Variants in SLC14A2 observed in about 807,000 individuals in gnomAD.
SLC14A2 encodes the protein solute carrier family 14 member 2.
A neutral mutation model predicts 104.6 loss-of-function variants in SLC14A2; 91 were observed. That is an observed-to-expected ratio of 0.87 (90% CI 0.73 to 1.04). SLC14A2 has a LOEUF of 1.04. Among genes scored for constraint, SLC14A2 ranks in the 50% least tolerant of loss-of-function variants. The pLI is 0.00. For missense variants in SLC14A2, 1,189 were observed against 1,156.0 expected (o/e 1.03, Z -0.41); for synonymous variants, 476 against 466.4 (o/e 1.02, Z -0.27).
chr18:45,308,478 C>G (rs575261274), intron 1 of SLC14A2, among the ~76,000 whole-genome samples: 1 of 152,162 alleles, frequency 6.6e-6, no homozygotes, highest in Non-Finnish European at 1.5e-5. Context: ...TTAAAGACCT[C>G]GCCTGAACTG....
chr18:45,500,529 A>T (rs1220573982), intron 2 of SLC14A2, among the ~76,000 whole-genome samples: 2 of 145,436 alleles, frequency 1.4e-5, no homozygotes, highest in African/African-American at 5.1e-5. Flanking sequence ...GTGAGCCGAG[A>T]TCGCGCCACT....
intron 16 of SLC14A2, among the ~76,000 whole-genome samples, chr18:45,671,553 G>A (rs1308080800): frequency 6.6e-6 from 1 of 151,924 alleles, no homozygotes; most frequent in African/African-American, 2.4e-5. Context: ...GGACAAAACT[G>A]CCCATGCTGC....
chr18:45,378,558 C>T (rs1015416332), intron 1 of SLC14A2, among the ~76,000 whole-genome samples: 1 of 152,140 alleles, frequency 6.6e-6, no homozygotes, highest in East Asian at 1.9e-4. Context: ...CTAATTTATT[C>T]TTTCATATGT....
intron 2 of SLC14A2, among the ~76,000 whole-genome samples, chr18:45,537,633 A>G (rs1250464691): frequency 1.3e-5 from 2 of 152,202 alleles, no homozygotes; most frequent in African/African-American, 4.8e-5. Context: ...TGAGGAAGCC[A>G]TTGGTGAATT....
chr18:45,211,342 A>G (rs1268565586), upstream of SLC14A2, among the ~76,000 whole-genome samples: 3 of 152,196 alleles, frequency 2.0e-5, no homozygotes, highest in East Asian at 1.9e-4. Context: ...TCTTTAGCCT[A>G]TAGGAAAACT....
At chr18:45,595,429 CATGGAAGATG>C (rs1253730771) in intron 2 of SLC14A2, among the ~76,000 whole-genome samples, 2 of 151,442 alleles carry the variant, frequency 1.3e-5, no homozygotes, top group Non-Finnish European at 2.9e-5. Context: ...TAAGCTGAAG[CATGGAAGATG>C]CTAAAATATA....
chr18:45,446,650 T>G (rs763726854), intron 1 of SLC14A2, among the ~76,000 whole-genome samples: 11 of 152,206 alleles, frequency 7.2e-5, no homozygotes, highest in Non-Finnish European at 1.5e-4. Flanking sequence ...TGAAATAGCT[T>G]CAGCTCCCAA....
At chr18:45,491,273 G>A (rs771157355) in intron 2 of SLC14A2, among the ~76,000 whole-genome samples, 15 of 152,186 alleles carry the variant, frequency 9.9e-5, no homozygotes, top group Non-Finnish European at 1.9e-4. Flanking sequence ...TGAGCTAGAT[G>A]CAGGCATCAA....
At chr18:45,298,726 A>G (rs2084939905) in intron 1 of SLC14A2, among the ~76,000 whole-genome samples, 1 of 152,154 alleles carries the variant, frequency 6.6e-6, no homozygotes, top group African/African-American at 2.4e-5. Context: ...ACCCAATTTA[A>G]ATCTCTCCTA....
At chr18:45,516,211 C>T (rs559590105) in intron 2 of SLC14A2, among the ~76,000 whole-genome samples, 1 of 152,294 alleles carries the variant, frequency 6.6e-6, no homozygotes, top group South Asian at 2.1e-4. Context: ...TCTCTCCCCC[C>T]TCACTACTGT....
At chr18:45,203,710 C>T in the SLC14A2 span, among the ~76,000 whole-genome samples, 2 of 152,210 alleles carry the variant, frequency 1.3e-5, no homozygotes, top group East Asian at 1.9e-4. Flanking sequence ...AGTTTACTTT[C>T]AACAGCACCC....
intron 1 of SLC14A2, among the ~76,000 whole-genome samples, chr18:45,368,967 C>A (rs1408717370): frequency 5.3e-5 from 8 of 152,198 alleles, no homozygotes; most frequent in Non-Finnish European, 8.8e-5. Flanking sequence ...CAAGAAGAAG[C>A]TCAGCAACAA....
In SLC14A2 at chr18:45,370,352, G is replaced by A. The variant is rs1598729512; in HGVS notation, c.-124-112881G>A. On this transcript the variant is annotated intron_variant, in intron 1 of 20. Transcript: ENST00000586448. ...CTCCGGAATGAGGGCTGGTGAAGAA[G>A]TAAATCCAGGCAACTCTATCATCTG... 3.3e-5 allele frequency among the ~76,000 whole-genome samples: 5 copies of A among 152,290 alleles called. No individual in the cohort carries two copies. In the South Asian group the frequency reaches 1.0e-3, roughly 32 times the overall value.
intron 2 of SLC14A2, among the ~76,000 whole-genome samples, chr18:45,607,123 G>T (rs559898978): frequency 6.6e-6 from 1 of 151,686 alleles, no homozygotes; most frequent in Admixed American, 6.6e-5. Context: ...ATTCAATCTC[G>T]CTGAAGGCAA....
chr18:45,183,726 C>CTCTT, the SLC14A2 span, among the ~76,000 whole-genome samples: 6 of 148,438 alleles, frequency 4.0e-5, no homozygotes, highest in Non-Finnish European at 9.0e-5. Context: ...TTTTCTTTCT[C>CTCTT]TCTTTCTTTC....
intron 1 of SLC14A2, among the ~76,000 whole-genome samples, chr18:45,372,140 C>T (rs1236985052): frequency 6.6e-6 from 1 of 152,000 alleles, no homozygotes; most frequent in African/African-American, 2.4e-5. Context: ...GGCAAAACTC[C>T]ATCTCTACTA....
intron 2 of SLC14A2, among the ~76,000 whole-genome samples, chr18:45,519,429 TCA>T (rs1265928252): frequency 2.0e-5 from 3 of 152,194 alleles, no homozygotes; most frequent in South Asian, 4.1e-4. Context: ...ATCTGCCCAT[TCA>T]CAGAGTCTCC....
intron 1 of SLC14A2, among the ~76,000 whole-genome samples, chr18:45,441,739 C>G (rs2086685428): frequency 6.6e-6 from 1 of 152,210 alleles, no homozygotes; most frequent in Non-Finnish European, 1.5e-5. Context: ...TCTTGGCTTT[C>G]CTTCCCAGCC....
intron 18 of SLC14A2, among the ~76,000 whole-genome samples, chr18:45,676,555 T>A (rs949307822): frequency 6.6e-6 from 1 of 151,762 alleles, no homozygotes. Context: ...CCAGGAACAT[T>A]TGGCAATGTC....
Sources: allele counts gnomAD v4.1 joint callset (sites outside exome capture counted in the v4.1 genomes callset), GRCh38; gene constraint gnomAD v4.1.1; transcripts MANE v1.5; gene names NCBI Gene and HGNC (gene_info 2026-07-23, HGNC 2026-07-21).